The following ATAD3A variants were observed in gnomAD, a reference collection of about 807,000 sequenced individuals.
ATAD3A encodes the protein ATPase family AAA domain containing 3A.
A neutral mutation model predicts 73.8 loss-of-function variants in ATAD3A; 46 were observed. The ratio of observed to expected loss-of-function variants is 0.62; its 90% CI spans 0.49 to 0.80. The LOEUF (loss-of-function observed/expected upper bound fraction) is 0.80, where lower values mean the gene tolerates loss of function less well. Among genes scored for constraint, ATAD3A ranks in the 30% least tolerant of loss-of-function variants. ATAD3A has a pLI of 0.00. For missense variants in ATAD3A, 705 were observed against 838.0 expected, an observed-to-expected ratio of 0.84 and a Z score of 1.96; for synonymous variants, 319 against 350.0, an observed-to-expected ratio of 0.91 and a Z score of 0.99.
intron 14 of ATAD3A, among the ~76,000 whole-genome samples, chr1:1,528,933 C>T (rs967380058): frequency 5.9e-5 from 9 of 152,350 alleles, no homozygotes; most frequent in Admixed American, 1.3e-4. Context: ...GTCGGGGCTC[C>T]GCCACTGCCA....
At chr1:1,512,516 C>T (rs1259442034) in intron 1 of ATAD3A, 43 bp downstream of exon 1, 3 of 1,199,296 alleles carry the variant, frequency 2.5e-6, no homozygotes, top group Non-Finnish European at 2.1e-6. Flanking sequence ...GCGGGCGGGA[C>T]GGGCCGGGGA....
intron 2 of ATAD3A, chr1:1,517,008 G>T: frequency 7.3e-7 from 1 of 1,362,836 alleles, no homozygotes; most frequent in Non-Finnish European, 9.8e-7. Flanking sequence ...CGTCGCACCC[G>T]GTCCACTCAG....
At chr1:1,527,914 A>C (rs878939244) in intron 14 of ATAD3A, 52 bp downstream of exon 14, 9 of 1,525,982 alleles carry the variant, frequency 5.9e-6, no homozygotes, top group Middle Eastern at 2.3e-4. Flanking sequence ...CTCAGGGTCC[A>C]CCCCGACCCA....
chr1:1,512,188 G>T lies in ATAD3A; in HGVS notation c.-81G>T. 1 of 1,219,662 alleles carries T rather than the reference G, an allele frequency of 8.2e-7. No individual in the cohort carries two copies. Among genetic ancestry groups the T allele is most frequent in the Non-Finnish European group, 1.0e-6 (1 of 976,934 alleles). 75.6% of individuals were successfully genotyped at this position (1,219,662 alleles called of 1,614,324 possible). A position where few individuals can be genotyped will look rare whatever the true frequency, so the allele number is the denominator to read the frequency against. The stretch of plus-strand genomic sequence containing the variant: ...GTGGCGGTGACCACCGGCTCGCGGC[G>T]CGTGGAGGCTGCTCCCAGCCGCGCG... On this transcript the variant is annotated 5_prime_UTR_variant, in exon 1 of 16. Transcript: ENST00000378756.
At chr1:1,517,085 T>TC (rs1641383717) in intron 2 of ATAD3A, 5 of 1,522,606 alleles carry the variant, frequency 3.3e-6, no homozygotes, top group Non-Finnish European at 4.4e-6. Context: ...CCGGCCTCCC[T>TC]CCCGGGGGGC....
rs1641714454 is a variant in ATAD3A, at chr1:1,524,138, G to A, written c.1090-135G>A. ...AGCGCCTCCCATCTTCCAGGCGGGG[G>A]ACGTCTCCTGTCTGGCAGGCTGTGG... On this transcript the variant is annotated intron_variant, in intron 10 of 15. Coordinates refer to ENST00000378756, the MANE Select transcript of ATAD3A (RefSeq NM_001170535.3). 1.9e-6 allele frequency: 3 copies of A among 1,539,074 alleles called. No homozygotes were observed. The African/African-American group carries it at 4.1e-5, about 21-fold the overall frequency.
intron 5 of ATAD3A, among the ~76,000 whole-genome samples, chr1:1,519,572 G>A (rs1292015195): frequency 6.6e-5 from 5 of 75,956 alleles, no homozygotes; most frequent in Non-Finnish European, 1.3e-4. Context: ...GGGATCACAG[G>A]TATTTGGTGC....
At chr1:1,513,635 C>T (rs1221486303) in intron 1 of ATAD3A, among the ~76,000 whole-genome samples, 3 of 152,096 alleles carry the variant, frequency 2.0e-5, no homozygotes, top group Non-Finnish European at 2.9e-5. Context: ...TCATTCTGAT[C>T]CCTTCCCTCC....
chr1:1,515,755 G>A (rs981109477), intron 1 of ATAD3A, among the ~76,000 whole-genome samples: 29 of 152,186 alleles, frequency 1.9e-4, no homozygotes, highest in African/African-American at 2.9e-4. Flanking sequence ...TCCCGTCCAC[G>A]TGGGATGGCC....
Position 1,512,441 on chromosome 1 carries a change from CCGCCAAGGCGG to C in ATAD3A, c.177_187del (p.Lys60ArgfsTer34). The C allele has an allele frequency of 8.2e-7, 1 of 1,218,888 alleles. No individual in the cohort carries two copies. The highest frequency in any genetic ancestry group is 1.6e-5 in the African/African-American group (1 of 61,816). The allele number at this position is 1,218,888 out of a possible 1,614,324, so 75.5% of individuals were successfully genotyped here. A position where few individuals can be genotyped will look rare whatever the true frequency, so the allele number is the denominator to read the frequency against. On this transcript the variant is annotated frameshift_variant, in exon 1 of 16. Coordinates refer to ENST00000378756, the MANE Select transcript of ATAD3A (RefSeq NM_001170535.3). LOFTEE classifies it high-confidence loss of function. ...TTCGACCCCACCGGCCTGGAGCGCG[CCGCCAAGGCGG>C]CGCGCGAGCTGGAGCACTCGCGTGA...
At position 1,522,609 on chromosome 1, in the gene ATAD3A, G is replaced by A. The variant is rs150117964; in HGVS notation, c.751-135G>A. 1.9e-3 allele frequency: 2,790 copies of A among 1,493,578 alleles called. 8 individuals are homozygous for A. The highest frequency in any genetic ancestry group is 2.1e-3 in the Non-Finnish European group (2,408 of 1,120,792). The allele number at this position is 1,493,578 out of a possible 1,614,324, so 92.5% of individuals were successfully genotyped here. ...GTGGGATTCGGGGCCGGGAATTCGCGTTCCTGTGGGGCCAGTGCACGGCCC... is the reference window on the plus strand; with the variant it reads ...GTGGGATTCGGGGCCGGGAATTCGCATTCCTGTGGGGCCAGTGCACGGCCC... On this transcript the variant is annotated intron_variant, in intron 7 of 15. Transcript: ENST00000378756.
intron 7 of ATAD3A, among the ~76,000 whole-genome samples, chr1:1,522,414 AG>A (rs1641630329): frequency 1.3e-5 from 2 of 152,358 alleles, no homozygotes; most frequent in South Asian, 2.1e-4. Context: ...TACCATTTTT[AG>A]TGGCCAAGAA....
intron 15 of ATAD3A, among the ~76,000 whole-genome samples, chr1:1,533,253 C>G (rs6690064): frequency 2.6e-5 from 4 of 152,060 alleles, no homozygotes; most frequent in Non-Finnish European, 5.9e-5. Context: ...TGGGGGTCCC[C>G]ACACCCTGAC....
chr1:1,534,411 G>C lies in ATAD3A; in HGVS notation c.*339G>C. ...GGTGGGTGCTGGCTGAGCCCCCGGG[G>C]CAGCAGGAGCCAGGCAGGTGATGTC... On this transcript the variant is annotated 3_prime_UTR_variant, in exon 16 of 16. Coordinates refer to ENST00000378756, the MANE Select transcript of ATAD3A (RefSeq NM_001170535.3). 7.7e-7 allele frequency: 1 copy of C among 1,302,028 alleles called. No homozygotes were observed. The highest frequency in any genetic ancestry group is 2.3e-5 in the South Asian group (1 of 44,102). 80.7% of individuals were successfully genotyped at this position (1,302,028 alleles called of 1,614,324 possible).
At chr1:1,522,230 G>C (rs528218430) in intron 7 of ATAD3A, among the ~76,000 whole-genome samples, 1 of 152,066 alleles carries the variant, frequency 6.6e-6, no homozygotes, top group East Asian at 1.9e-4. Flanking sequence ...TAGTAGAGAC[G>C]GGGTTTCTCC....
rs1295872631 is a variant in ATAD3A at position 1,534,316 on chromosome 1, G to C, written c.*244G>C. 2.1e-6 allele frequency: 3 copies of C among 1,418,850 alleles called. No individual in the cohort carries two copies. The East Asian group carries it at 7.7e-5, about 37-fold the overall frequency. The allele number at this position is 1,418,850 out of a possible 1,614,324, so 87.9% of individuals were successfully genotyped here. A position where few individuals can be genotyped will look rare whatever the true frequency, so the allele number is the denominator to read the frequency against. On this transcript the variant is annotated 3_prime_UTR_variant, in exon 16 of 16. Coordinates refer to ENST00000378756, the MANE Select transcript of ATAD3A (RefSeq NM_001170535.3). The stretch of plus-strand genomic sequence containing the variant: ...GCCCCTCGAGACACTCTTGGGAGAT[G>C]CATTTTCCGTCTGGCTCACAGGGGG...
rs938359757 is a variant in ATAD3A, at chr1:1,520,814, C to G, written c.750+197C>G. On this transcript the variant is annotated intron_variant, in intron 7 of 15. Transcript: ENST00000378756. The surrounding 1 kb of genome is among the most constrained non-coding windows in gnomAD (Gnocchi z 4.0). ...GGGAGAAGAAAACGCAGTTGCCAGC[C>G]TGGGCCACACAGTGAGACCCCATCT... Among the ~76,000 whole-genome samples, 2 of 152,194 alleles carry G rather than the reference C, an allele frequency of 1.3e-5. No homozygotes were observed. The highest frequency in any genetic ancestry group is 2.9e-5 in the Non-Finnish European group (2 of 68,032).
In ATAD3A at chr1:1,520,428, C is replaced by T; in HGVS notation, c.681-120C>T. ...CCGTAGGCTGACTCCTTGGTGGGGG[C>T]ACTGCCCCTCTGTCCTGGCAAGGCC... On this transcript the variant is annotated intron_variant, in intron 6 of 15. Coordinates refer to ENST00000378756, the MANE Select transcript of ATAD3A (RefSeq NM_001170535.3). The surrounding 1 kb of genome is among the most constrained non-coding windows in gnomAD (Gnocchi z 4.0). 6.3e-7 allele frequency: 1 copy of T among 1,595,396 alleles called. No individual in the cohort carries two copies. Among genetic ancestry groups the T allele is most frequent in the South Asian group, 1.1e-5 (1 of 88,772 alleles).
chr1:1,533,222 G>A (rs557851633), intron 15 of ATAD3A, among the ~76,000 whole-genome samples: 43 of 152,290 alleles, frequency 2.8e-4, no homozygotes, highest in Non-Finnish European at 4.4e-4. Context: ...GTCCTGGTGC[G>A]CTCCTGAGCA....
Sources: gnomAD v4.1 joint callset for allele counts (sites outside exome capture counted in the v4.1 genomes callset) on GRCh38, gnomAD v4.1.1 for gene constraint, Gnocchi (gnomAD v3.1) non-coding constraint, MANE v1.5 for transcripts, NCBI Gene and HGNC (gene_info 2026-07-23, HGNC 2026-07-21) for gene names.